Variants in JAM3 observed in about 807,000 individuals in gnomAD.
The protein encoded by JAM3 is junctional adhesion molecule C.
Under a neutral mutation model 39.4 loss-of-function variants are expected in JAM3, and 31 were observed. That is an observed-to-expected ratio of 0.79 (90% CI 0.59 to 1.06). The LOEUF (loss-of-function observed/expected upper bound fraction) is 1.06. Ranked by LOEUF, JAM3 falls within the 50% of genes least tolerant of loss-of-function variation. JAM3 has a pLI of 0.00. For missense variants in JAM3, 455 were observed against 391.4 expected (o/e 1.16, Z -1.37); for synonymous variants, 182 against 148.7 (o/e 1.22, Z -1.63).
chr11:134,073,575 A>C (rs1343547998), intron 1 of JAM3, among the ~76,000 whole-genome samples: 1 of 152,174 alleles, frequency 6.6e-6, no homozygotes, highest in Non-Finnish European at 1.5e-5. Context: ...AGTTTAGTAC[A>C]ACACCCATTT....
chr11:134,139,482 T>G (rs993933169), intron 1 of JAM3, among the ~76,000 whole-genome samples: 8 of 151,638 alleles, frequency 5.3e-5, no homozygotes, highest in Non-Finnish European at 8.8e-5. Flanking sequence ...ATTGGAAGCC[T>G]GGGGAAGAGG....
intron 5 of JAM3, 94 bp from the exon 6 acceptor site, chr11:134,145,852 C>A: frequency 1.2e-6 from 1 of 818,650 alleles, no homozygotes; most frequent in Non-Finnish European, 2.2e-6. Context: ...AGCAAGCGAG[C>A]AGGTGTCGAC....
intron 3 of JAM3, among the ~76,000 whole-genome samples, chr11:134,143,140 G>C (rs1421216610): frequency 6.6e-6 from 1 of 152,138 alleles, no homozygotes; most frequent in Non-Finnish European, 1.5e-5. Flanking sequence ...TCTTACAGTA[G>C]TTGCATGTTT....
At chr11:134,108,195 A>T (rs1942237464) in intron 1 of JAM3, among the ~76,000 whole-genome samples, 2 of 152,128 alleles carry the variant, frequency 1.3e-5, no homozygotes, top group Admixed American at 1.3e-4. Flanking sequence ...ACTTGGATCA[A>T]ATAAATTTCT....
chr11:134,096,779 G>A (rs1318650345), intron 1 of JAM3, among the ~76,000 whole-genome samples: 1 of 152,122 alleles, frequency 6.6e-6, no homozygotes, highest in Admixed American at 6.6e-5. Context: ...AACACGATTG[G>A]ATTCTTCTTT....
chr11:134,074,751 C>T (rs895421941), intron 1 of JAM3, among the ~76,000 whole-genome samples: 1 of 152,158 alleles, frequency 6.6e-6, no homozygotes, highest in African/African-American at 2.4e-5. Flanking sequence ...TGGAAGATCT[C>T]TGTTTTCTTC....
At chr11:134,112,875 G>GA (rs982873082) in intron 1 of JAM3, among the ~76,000 whole-genome samples, 5 of 152,168 alleles carry the variant, frequency 3.3e-5, no homozygotes, top group African/African-American at 1.2e-4. Flanking sequence ...AATAGAGCAT[G>GA]AAAATCTTGT....
intron 3 of JAM3, 45 bp downstream of exon 3, chr11:134,140,815 A>C: frequency 6.3e-7 from 1 of 1,580,644 alleles, no homozygotes; most frequent in Non-Finnish European, 8.6e-7. Flanking sequence ...TCCTCTGTCC[A>C]TAGACCTGGG....
At chr11:134,085,959 A>T (rs995366027) in intron 1 of JAM3, among the ~76,000 whole-genome samples, 7 of 152,132 alleles carry the variant, frequency 4.6e-5, no homozygotes, top group Non-Finnish European at 1.0e-4. Context: ...ATGAGTTTGT[A>T]TGTTTCTTTA....
chr11:134,106,249 G>A (rs1317830753), intron 1 of JAM3, among the ~76,000 whole-genome samples: 1 of 152,008 alleles, frequency 6.6e-6, no homozygotes, highest in Non-Finnish European at 1.5e-5. Flanking sequence ...AATGGGGAAA[G>A]GATTCCCTAT....
chr11:134,135,665 G>T (rs960470042), intron 1 of JAM3, among the ~76,000 whole-genome samples: 4 of 151,688 alleles, frequency 2.6e-5, no homozygotes, highest in African/African-American at 7.3e-5. Context: ...AGCCTACTGA[G>T]TAGCTGGGAT....
At chr11:134,114,932 T>A (rs470882) in intron 1 of JAM3, among the ~76,000 whole-genome samples, 67,345 of 152,012 alleles carry the variant, frequency 0.44, 17,615 homozygotes, top group African/African-American at 0.74. Flanking sequence ...CTATTGAGAG[T>A]AGTGTTGAAA....
At chr11:134,121,332 G>A (rs571852778) in intron 1 of JAM3, among the ~76,000 whole-genome samples, 114 of 152,334 alleles carry the variant, frequency 7.5e-4, no homozygotes, top group South Asian at 3.7e-3. Flanking sequence ...TCCAAATTAG[G>A]AAAGGGAAGG....
rs1943164012 is a variant in JAM3, at chr11:134,149,918, A to G, written c.*737A>G. On this transcript the variant is annotated 3_prime_UTR_variant, in exon 9 of 9. Transcript: ENST00000299106. ...TTCTATGGGTCTTGTTTATTTTATA[A>G]AATTTTACATCTAAATTTTTGCTAA... is the stretch of plus-strand genomic sequence containing the variant. 5.7e-6 allele frequency: 1 copy of G among 174,408 alleles called. No homozygotes were observed. The highest frequency in any genetic ancestry group is 1.7e-4 in the East Asian group (1 of 6,060). The allele number at this position is 174,408 out of a possible 1,614,324, so 10.8% of individuals were successfully genotyped here.
At chr11:134,139,127 A>G (rs1041126154) in intron 1 of JAM3, among the ~76,000 whole-genome samples, 6 of 152,182 alleles carry the variant, frequency 3.9e-5, no homozygotes, top group Non-Finnish European at 7.3e-5. Context: ...ATTAGTTGAG[A>G]AATTTTGAGA....
rs948812023 is a variant in JAM3, at chr11:134,137,144, G to A, written c.77-2707G>A. Among the ~76,000 whole-genome samples the A allele has an allele frequency of 7.3e-5, 11 of 151,526 alleles. No homozygotes were observed. The South Asian group carries it at 1.0e-3, about 14-fold the overall frequency. On this transcript the variant is annotated intron_variant, in intron 1 of 8. Transcript: ENST00000299106. ...AAAAAAAAAGAAGAAGAAGTATAAA[G>A]CATTCATTTCTTTGCCATAATGCAG...
intron 1 of JAM3, among the ~76,000 whole-genome samples, chr11:134,126,934 G>T (rs181134053): frequency 6.6e-6 from 1 of 152,300 alleles, no homozygotes; most frequent in Admixed American, 6.5e-5. Context: ...TGCATTGTAG[G>T]ATAGCTTTGC....
intron 6 of JAM3, among the ~76,000 whole-genome samples, chr11:134,147,224 C>T (rs1271819816): frequency 2.0e-5 from 3 of 151,778 alleles, no homozygotes; most frequent in African/African-American, 4.8e-5. Context: ...GAGGCTGAGG[C>T]GGGTGGATCA....
intron 1 of JAM3, among the ~76,000 whole-genome samples, chr11:134,098,153 T>C (rs599808): frequency 1 from 151,833 of 152,278 alleles, 75,696 homozygotes; most frequent in East Asian, 1. Flanking sequence ...CAAGCTCTGC[T>C]CTCCAGGGGA....
Sources: allele counts gnomAD v4.1 joint callset (sites outside exome capture counted in the v4.1 genomes callset), GRCh38; gene constraint gnomAD v4.1.1; transcripts MANE v1.5; gene names NCBI Gene and HGNC (gene_info 2026-07-23, HGNC 2026-07-21).